OSBPL2: variants seen among roughly 807,000 people sequenced by gnomAD.
OSBPL2 encodes oxysterol-binding protein-related protein 2.
Under a neutral mutation model 58.4 loss-of-function variants are expected in OSBPL2, and 18 were observed. The observed-to-expected ratio is 0.31, with a 90% CI of 0.21 to 0.46. The LOEUF (loss-of-function observed/expected upper bound fraction) is 0.46, where lower values mean the gene tolerates loss of function less well. Ranked by LOEUF, OSBPL2 falls within the 20% of genes least tolerant of loss-of-function variation. The pLI, the probability that OSBPL2 is intolerant of heterozygous loss-of-function variation, is 1.00. For missense variants in OSBPL2, 461 were observed against 616.5 expected (o/e 0.75, Z 2.67); for synonymous variants, 221 against 234.1 (o/e 0.94, Z 0.51).
intron 6 of OSBPL2, 106 bp from the exon 7 acceptor site, chr20:62,279,051 C>T (rs1456884533): frequency 1.1e-6 from 1 of 909,414 alleles, no homozygotes. Flanking sequence ...GCATGGAGGG[C>T]CCCTGCTTCC....
intron 1 of OSBPL2, among the ~76,000 whole-genome samples, chr20:62,245,862 C>A (rs1009969452): frequency 1.3e-5 from 2 of 152,200 alleles, no homozygotes; most frequent in Non-Finnish European, 2.9e-5. Context: ...TAAAAATAAC[C>A]GTTAAGCTTT....
chr20:62,260,332 T>C (rs896936515), intron 3 of OSBPL2, among the ~76,000 whole-genome samples: 1 of 152,190 alleles, frequency 6.6e-6, no homozygotes, highest in Admixed American at 6.5e-5. Context: ...AATCCACAGA[T>C]GGCAATTTTT....
At chr20:62,240,773 A>G (rs1241780227) in intron 1 of OSBPL2, among the ~76,000 whole-genome samples, 1 of 152,194 alleles carries the variant, frequency 6.6e-6, no homozygotes, top group Non-Finnish European at 1.5e-5. Flanking sequence ...AGTGTTTACA[A>G]AGCCATTTCA....
At chr20:62,240,541 A>G (rs902610510) in intron 1 of OSBPL2, among the ~76,000 whole-genome samples, 1 of 152,260 alleles carries the variant, frequency 6.6e-6, no homozygotes, top group African/African-American at 2.4e-5. Context: ...AGAGAGGTTA[A>G]GTAACTTACC....
Position 62,274,832 on chromosome 20 carries a change from G to A in OSBPL2, c.491+1426G>A, listed in dbSNP as rs148554999. ...CCTGCCCAGGAACAGAGTGCAGACG[G>A]GAGGGAAGGCGGGCTCCTTTATCAT... On this transcript the variant is annotated intron_variant, in intron 6 of 13. Transcript: ENST00000313733. Among the ~76,000 whole-genome samples the A allele has an allele frequency of 5.6e-4, 86 of 152,376 alleles. 1 individual carries two copies. The highest frequency in any genetic ancestry group is 1.9e-3 in the African/African-American group (79 of 41,584).
At chr20:62,254,874 G>C (rs1980816129) in intron 1 of OSBPL2, among the ~76,000 whole-genome samples, 1 of 152,196 alleles carries the variant, frequency 6.6e-6, no homozygotes, top group Non-Finnish European at 1.5e-5. Context: ...GTTTATCCTG[G>C]GAGTAGCTAA....
chr20:62,292,882 ATTT>A (rs35975453), intron 13 of OSBPL2, among the ~76,000 whole-genome samples: 1 of 140,994 alleles, frequency 7.1e-6, no homozygotes. Flanking sequence ...ACCTTTCCTC[ATTT>A]TTTTTTTTTT....
chr20:62,260,369 A>C (rs577259778), intron 3 of OSBPL2, among the ~76,000 whole-genome samples: 1 of 152,234 alleles, frequency 6.6e-6, no homozygotes, highest in South Asian at 2.1e-4. Context: ...CCATCTAAGA[A>C]ATGCCTCTGT....
At chr20:62,280,198 A>G (rs764379207) in intron 7 of OSBPL2, 7 of 1,005,310 alleles carry the variant, frequency 7.0e-6, no homozygotes, top group Admixed American at 2.8e-5. Context: ...GAAATAAGTA[A>G]TAAACGACAC....
chr20:62,265,221 T>C (rs1981588015), intron 4 of OSBPL2, among the ~76,000 whole-genome samples: 1 of 152,214 alleles, frequency 6.6e-6, no homozygotes, highest in Admixed American at 6.5e-5. Context: ...CTGTCCCTTC[T>C]CCCCTAATTA....
intron 1 of OSBPL2, among the ~76,000 whole-genome samples, chr20:62,254,078 G>A (rs773330089): frequency 6.6e-5 from 10 of 152,134 alleles, no homozygotes; most frequent in East Asian, 1.9e-4. Context: ...GATTACAGGC[G>A]TGAGCCAACA....
At chr20:62,253,055 A>G (rs1363745983) in intron 1 of OSBPL2, among the ~76,000 whole-genome samples, 1 of 152,260 alleles carries the variant, frequency 6.6e-6, no homozygotes, top group Admixed American at 6.5e-5. Flanking sequence ...ACCTGGGCTC[A>G]GTGTTCCGGG....
intron 4 of OSBPL2, among the ~76,000 whole-genome samples, chr20:62,265,993 C>A (rs1028086906): frequency 6.6e-6 from 1 of 152,048 alleles, no homozygotes; most frequent in Non-Finnish European, 1.5e-5. Flanking sequence ...CATGGTGGCA[C>A]ATGTCTGTCA....
intron 6 of OSBPL2, among the ~76,000 whole-genome samples, chr20:62,275,339 T>C (rs905434061): frequency 6.6e-6 from 1 of 152,144 alleles, no homozygotes; most frequent in African/African-American, 2.4e-5. Context: ...TAAATTAGAG[T>C]GTTTCATCGA....
intron 4 of OSBPL2, among the ~76,000 whole-genome samples, chr20:62,264,422 G>A (rs1450694421): frequency 6.6e-6 from 1 of 152,174 alleles, no homozygotes; most frequent in African/African-American, 2.4e-5. Flanking sequence ...TCACAGGGGC[G>A]GGGAGTGTCC....
intron 5 of OSBPL2, among the ~76,000 whole-genome samples, chr20:62,272,958 C>T (rs1982161021): frequency 1.3e-5 from 2 of 152,214 alleles, no homozygotes; most frequent in African/African-American, 4.8e-5. Flanking sequence ...CGTGTGTGCG[C>T]ATGCCTCTGT....
intron 6 of OSBPL2, among the ~76,000 whole-genome samples, chr20:62,274,055 C>T (rs936237309): frequency 6.6e-6 from 1 of 152,218 alleles, no homozygotes; most frequent in Non-Finnish European, 1.5e-5. Context: ...GTGGCCCTCA[C>T]CTCACAGACG....
chr20:62,246,959 G>A (rs1004308844), intron 1 of OSBPL2, among the ~76,000 whole-genome samples: 2 of 152,168 alleles, frequency 1.3e-5, no homozygotes, highest in African/African-American at 4.8e-5. Context: ...TGGCAACCTC[G>A]CAGTGTCATG....
intron 2 of OSBPL2, among the ~76,000 whole-genome samples, chr20:62,257,213 G>A (rs939446396): frequency 7.9e-5 from 12 of 152,290 alleles, no homozygotes; most frequent in Admixed American, 7.2e-4. Flanking sequence ...GGTGTGTCAG[G>A]AGGGTCTCTG....
Sources: allele counts gnomAD v4.1 joint callset (sites outside exome capture counted in the v4.1 genomes callset), GRCh38; gene constraint gnomAD v4.1.1; transcripts MANE v1.5; gene names NCBI Gene and HGNC (gene_info 2026-07-23, HGNC 2026-07-21).